Variants in C19orf44 observed in about 807,000 individuals in gnomAD.
C19orf44 encodes the protein uncharacterized protein C19orf44.
C19orf44 carries 43 observed loss-of-function variants against 50.7 expected under a neutral mutation model. That is an observed-to-expected ratio of 0.85 (90% CI 0.66 to 1.09). The LOEUF is 1.09. Among genes scored for constraint, C19orf44 ranks in the 50% least tolerant of loss-of-function variants. The pLI is 0.00. For missense variants in C19orf44, 722 were observed against 836.2 expected, an observed-to-expected ratio of 0.86 and a Z score of 1.68; for synonymous variants, 298 against 334.7, an observed-to-expected ratio of 0.89 and a Z score of 1.20.
intron 4 of C19orf44, 110 bp from the exon 5 acceptor site, chr19:16,509,389 C>G: frequency 7.1e-7 from 1 of 1,403,298 alleles, no homozygotes; most frequent in Non-Finnish European, 9.7e-7. Context: ...CTGGTGTGTC[C>G]CCTTGTCTGC....
At chr19:16,518,074 T>G (rs972040609) in intron 8 of C19orf44, 1 of 152,194 alleles carries the variant, frequency 6.6e-6, no homozygotes, top group Non-Finnish European at 1.5e-5. Flanking sequence ...TGCATCTTAT[T>G]GAAAAGAATT....
chr19:16,509,211 C>T (rs1402271255), intron 4 of C19orf44, among the ~76,000 whole-genome samples: 1 of 152,056 alleles, frequency 6.6e-6, no homozygotes, highest in Non-Finnish European at 1.5e-5. Context: ...AGGATCCTAC[C>T]GCCTCAACCA....
chr19:16,509,379 C>G, intron 4 of C19orf44, 120 bp from the exon 5 acceptor site: 2 of 1,336,690 alleles, frequency 1.5e-6, no homozygotes, highest in Admixed American at 4.6e-5. Flanking sequence ...TAATGAGGAC[C>G]TGGTGTGTCC....
At chr19:16,506,806 A>G (rs1178728530) in intron 4 of C19orf44, 32 bp downstream of exon 4, 1 of 1,489,796 alleles carries the variant, frequency 6.7e-7, no homozygotes, top group Non-Finnish European at 9.2e-7. Flanking sequence ...TTCATGGTCG[A>G]TTGTTTTTGG....
At chr19:16,503,915 C>G (rs1313632991) in intron 3 of C19orf44, among the ~76,000 whole-genome samples, 1 of 152,108 alleles carries the variant, frequency 6.6e-6, no homozygotes, top group Admixed American at 6.6e-5. Flanking sequence ...CTGTTGGAGG[C>G]TAGGCCTGGT....
Position 16,496,412 on chromosome 19 carries a change from T to G in C19orf44, c.-55T>G. 1 of 478,148 alleles carries G rather than the reference T, an allele frequency of 2.1e-6. No individual in the cohort carries two copies. Among genetic ancestry groups the G allele is most frequent in the Non-Finnish European group, 3.8e-6 (1 of 261,742 alleles). 29.6% of individuals were successfully genotyped at this position (478,148 alleles called of 1,614,324 possible). ...TGGCTCTGTTGCCCAGGGCAACCGCTCCTTCAGGCGTGAATGTGGCGGCTG... is the reference window on the plus strand; with the variant it reads ...TGGCTCTGTTGCCCAGGGCAACCGCGCCTTCAGGCGTGAATGTGGCGGCTG... On this transcript the variant is annotated 5_prime_UTR_variant, in exon 1 of 9. Transcript: ENST00000221671.
chr19:16,500,258 T>A (rs562917682), intron 1 of C19orf44, among the ~76,000 whole-genome samples: 18 of 152,134 alleles, frequency 1.2e-4, no homozygotes, highest in Non-Finnish European at 2.1e-4. Context: ...CTAAGTGAAA[T>A]CTGATTTTCT....
chr19:16,521,334 A>C lies in C19orf44; in HGVS notation c.*1281A>C, dbSNP rs746829033. ...TAACTTCTTCTGATGTGTCTCCATT[A>C]AAACGCCCTTCATTGAGGGCCACGT... On this transcript the variant is annotated 3_prime_UTR_variant, in exon 9 of 9. Transcript: ENST00000221671. The C allele has an allele frequency of 1.7e-6, 1 of 588,992 alleles. No homozygotes were observed. Among genetic ancestry groups the C allele is most frequent in the Non-Finnish European group, 2.9e-6 (1 of 339,196 alleles). The allele number at this position is 588,992 out of a possible 1,614,324, so 36.5% of individuals were successfully genotyped here.
At position 16,519,274 on chromosome 19, in the gene C19orf44, T is replaced by C; in HGVS notation, c.*41-820T>C. 1 of 1,614,068 alleles carries C rather than the reference T, an allele frequency of 6.2e-7. No homozygotes were observed. Among genetic ancestry groups the C allele is most frequent in the South Asian group, 1.1e-5 (1 of 91,084 alleles). ...GCCCACGCCTTTATACTGGTCCCAC[T>C]TATCCCGGACGTCCCCGCCCTTGAT... On this transcript the variant is annotated intron_variant, in intron 8 of 8. Coordinates refer to ENST00000221671, the MANE Select transcript of C19orf44 (RefSeq NM_032207.4). This position sits in a 1 kb window ranked among gnomAD's most constrained non-coding sequence, Gnocchi z 6.0.
At chr19:16,510,772 G>A (rs1267415480) in intron 5 of C19orf44, among the ~76,000 whole-genome samples, 1 of 151,980 alleles carries the variant, frequency 6.6e-6, no homozygotes, top group Non-Finnish European at 1.5e-5. Context: ...GTCTTGCTAT[G>A]TTGCCCAAGC....
intron 4 of C19orf44, among the ~76,000 whole-genome samples, 190 bp downstream of exon 4, chr19:16,506,964 T>A (rs2093442434): frequency 6.6e-6 from 1 of 152,102 alleles, no homozygotes; most frequent in African/African-American, 2.4e-5. Context: ...TGAGCGACCA[T>A]GCCTGGCCCA....
rs759154582 is a variant in C19orf44, at chr19:16,514,516, G to T, written c.1755G>T (p.Pro585=). ...DAIEALTAYS[P]AVLALHDVLK... ...GGTCAGCCCTGACCGCTTACAGCCC[G>T]GCCGTGCTGGCACTCCATGATGTGC... The change falls in exon 7 of 9, where the codon CCG becomes CCT. Residue 585 remains proline, a synonymous_variant. Coordinates refer to ENST00000221671, the MANE Select transcript of C19orf44 (RefSeq NM_032207.4). 28 of 1,611,082 alleles carry T rather than the reference G, an allele frequency of 1.7e-5. No homozygotes were observed. Among genetic ancestry groups the T allele is most frequent in the East Asian group, 6.7e-5 (3 of 44,766 alleles).
chr19:16,517,811 C>A (rs2085557604), intron 8 of C19orf44: 1 of 158,524 alleles, frequency 6.3e-6, no homozygotes, highest in African/African-American at 2.4e-5. Context: ...CCTCTGACCC[C>A]AGGCTGCACA....
intron 3 of C19orf44, 126 bp downstream of exon 3, chr19:16,503,506 C>G: frequency 5.2e-6 from 5 of 959,506 alleles, no homozygotes; most frequent in Non-Finnish European, 1.5e-6. Flanking sequence ...ATCTCACACT[C>G]AGCTTTCTAA....
At chr19:16,514,402 T>C in intron 6 of C19orf44, 95 bp from the exon 7 acceptor site, 1 of 1,278,140 alleles carries the variant, frequency 7.8e-7, no homozygotes, top group South Asian at 1.6e-5. Context: ...AAAAAAAAGA[T>C]TTCAGAGAGC....
intron 5 of C19orf44, among the ~76,000 whole-genome samples, chr19:16,512,567 G>T (rs1018257760): frequency 6.6e-6 from 1 of 151,974 alleles, no homozygotes; most frequent in Non-Finnish European, 1.5e-5. Context: ...CTTGAAAGGG[G>T]AAGAGGGTAA....
At chr19:16,502,184 A>ACAG (rs1213813963) in intron 2 of C19orf44, among the ~76,000 whole-genome samples, 1 of 149,796 alleles carries the variant, frequency 6.7e-6, no homozygotes, top group African/African-American at 2.5e-5. Flanking sequence ...TGCTGGGATT[A>ACAG]CAGGTGTGAG....
At chr19:16,508,891 G>T (rs6512117) in intron 4 of C19orf44, among the ~76,000 whole-genome samples, 20 of 151,566 alleles carry the variant, frequency 1.3e-4, no homozygotes, top group African/African-American at 4.8e-4. Flanking sequence ...TGTGATCTCA[G>T]CTCACCATAA....
intron 7 of C19orf44, 99 bp downstream of exon 7, chr19:16,514,762 G>C: frequency 7.6e-7 from 1 of 1,323,788 alleles, no homozygotes; most frequent in Non-Finnish European, 1.0e-6. Context: ...GGGCTCCAGC[G>C]CTCAGCCCAG....
Sources: allele counts gnomAD v4.1 joint callset (sites outside exome capture counted in the v4.1 genomes callset), GRCh38; gene constraint gnomAD v4.1.1; non-coding constraint Gnocchi (gnomAD v3.1); transcripts MANE v1.5; gene names NCBI Gene and HGNC (gene_info 2026-07-23, HGNC 2026-07-21).